DAPK1: variants seen among roughly 807,000 people sequenced by gnomAD.
DAPK1 encodes the protein death associated protein kinase 1.
In DAPK1, 56 loss-of-function variants were observed where a neutral mutation model predicts 144.9. That is an observed-to-expected ratio of 0.39 (90% confidence interval 0.31 to 0.48). The LOEUF (loss-of-function observed/expected upper bound fraction) is 0.48. DAPK1 is among the 20% of genes least tolerant of loss of function. The pLI, the probability that DAPK1 is intolerant of heterozygous loss-of-function variation, is 0.95. For synonymous variants in DAPK1, 690 were observed against 749.0 expected, an observed-to-expected ratio of 0.92 and a Z score of 1.29; for missense variants, 1,454 against 1,875.4, an observed-to-expected ratio of 0.78 and a Z score of 4.15.
chr9:87,538,717 A>T (rs1825940425), intron 2 of DAPK1, among the ~76,000 whole-genome samples: 1 of 152,206 alleles, frequency 6.6e-6, no homozygotes, highest in Non-Finnish European at 1.5e-5. Context: ...GAAAATTGTA[A>T]CAGATTAAAA....
At chr9:87,659,203 A>C (rs748969696) in intron 18 of DAPK1, among the ~76,000 whole-genome samples, 12 of 152,160 alleles carry the variant, frequency 7.9e-5, no homozygotes, top group Non-Finnish European at 1.3e-4. Flanking sequence ...CCCTCCCCAG[A>C]AGTAATAGGT....
chr9:87,549,949 T>C (rs1291697028), intron 2 of DAPK1, among the ~76,000 whole-genome samples: 2 of 152,248 alleles, frequency 1.3e-5, no homozygotes, highest in East Asian at 1.9e-4. Context: ...CAGGTGTCTG[T>C]ATACCTCATC....
At chr9:87,555,139 G>T (rs924743234) in intron 2 of DAPK1, among the ~76,000 whole-genome samples, 4 of 152,134 alleles carry the variant, frequency 2.6e-5, no homozygotes, top group Non-Finnish European at 4.4e-5. Context: ...AGGACTTGGG[G>T]GTTTACATAA....
chr9:87,662,568 T>TTTTTTG (rs1327332797), intron 18 of DAPK1, among the ~76,000 whole-genome samples: 2 of 132,684 alleles, frequency 1.5e-5, no homozygotes, highest in Non-Finnish European at 3.2e-5. Flanking sequence ...TAGTTTTTTT[T>TTTTTTG]TTTTTTTTTT....
intron 19 of DAPK1, among the ~76,000 whole-genome samples, chr9:87,675,516 G>A (rs562981870): frequency 1.3e-5 from 2 of 152,206 alleles, no homozygotes; most frequent in East Asian, 1.9e-4. Flanking sequence ...AACAATGCCC[G>A]ACATGACCCG....
Position 87,497,964 on chromosome 9 carries a change from G to A in DAPK1, c.-252G>A, listed in dbSNP as rs2117946391. 2.5e-6 allele frequency: 1 copy of A among 397,004 alleles called. No individual in the cohort carries two copies. The highest frequency in any genetic ancestry group is 4.4e-6 in the Non-Finnish European group (1 of 225,450). 24.6% of individuals were successfully genotyped at this position (397,004 alleles called of 1,614,324 possible). On this transcript the variant is annotated 5_prime_UTR_variant, in exon 1 of 26. Transcript: ENST00000408954. ...GGCAACTCGCAGCGGCAGGGTCTGG[G>A]GCCGGCGCCTGGGAGGGATCTGCGC...
At chr9:87,702,909 C>A in intron 24 of DAPK1, 120 bp from the exon 25 acceptor site, 1 of 630,988 alleles carries the variant, frequency 1.6e-6, no homozygotes, top group East Asian at 2.6e-5. Flanking sequence ...ACAAAAAAAC[C>A]CACTCGTTCA....
chr9:87,640,806 A>T lies in DAPK1; in HGVS notation c.787A>T (p.Arg263Ter). 6.2e-7 allele frequency: 1 copy of T among 1,614,058 alleles called. No individual in the cohort carries two copies. Among genetic ancestry groups the T allele is most frequent in the Non-Finnish European group, 8.5e-7 (1 of 1,179,994 alleles). The change falls in exon 9 of 26, where the codon AGA (arginine) becomes TGA (stop). Residue 263 changes from arginine to a stop codon, truncating the protein, a stop_gained. Transcript: ENST00000408954. LOFTEE classifies it high-confidence loss of function. ...RRLLVKDPKK[R>*]MTIQDSLQHP... ...TCTTCTCCCCCTCCCCTCAAGGAAGAGAATGACAATTCAAGATAGTTTGCA... is the reference window on the plus strand; with the variant it reads ...TCTTCTCCCCCTCCCCTCAAGGAAGTGAATGACAATTCAAGATAGTTTGCA...
rs977174401 is a variant in DAPK1, at chr9:87,708,351, A to G, written c.*987A>G. 6.5e-6 allele frequency: 1 copy of G among 152,726 alleles called. No individual in the cohort carries two copies. The highest frequency in any genetic ancestry group is 1.5e-5 in the Non-Finnish European group (1 of 68,096). 9.5% of individuals were successfully genotyped at this position (152,726 alleles called of 1,614,324 possible). On this transcript the variant is annotated 3_prime_UTR_variant, in exon 26 of 26. Transcript: ENST00000408954. ...GTTTCCACATTTAGATCCTGGTTTCATAACTTCCTGTACTTGAAGTCTAAA... is the reference window on the plus strand; with the variant it reads ...GTTTCCACATTTAGATCCTGGTTTCGTAACTTCCTGTACTTGAAGTCTAAA...
In DAPK1 at chr9:87,681,463, A is replaced by T; in HGVS notation, c.2061A>T (p.Arg687Ser). 1.2e-6 allele frequency: 2 copies of T among 1,613,678 alleles called. No individual in the cohort carries two copies. The highest frequency in any genetic ancestry group is 1.7e-6 in the Non-Finnish European group (2 of 1,179,686). ...GACCCACACAGAACCTGCAGCCAAG[A>T]ATTAAGCTCAAGCTGTTTGGCCACT... ...QLRPTQNLQPRIKLKLFGHSG... is the reference protein window; with the variant it reads ...QLRPTQNLQPSIKLKLFGHSG... Residue 687 changes from arginine to serine, a missense_variant, in exon 20 of 26, where the codon AGA becomes AGT. Arg to Ser is a moderately radical substitution (Grantham distance 110). This residue lies in a region of DAPK1 where 1,025 missense variants were observed against 1,237.9 expected (regional missense o/e 0.83). Coordinates refer to ENST00000408954, the MANE Select transcript of DAPK1 (RefSeq NM_004938.4).
At chr9:87,528,101 A>G (rs1424421234) in intron 2 of DAPK1, among the ~76,000 whole-genome samples, 1 of 152,260 alleles carries the variant, frequency 6.6e-6, no homozygotes, top group African/African-American at 2.4e-5. Flanking sequence ...AGAGAGCAGC[A>G]TACTTTAAAC....
chr9:87,535,155 C>T (rs1825818673), intron 2 of DAPK1, among the ~76,000 whole-genome samples: 1 of 152,042 alleles, frequency 6.6e-6, no homozygotes, highest in Non-Finnish European at 1.5e-5. Flanking sequence ...CCAGGCAAAT[C>T]CTGCCAAGCT....
chr9:87,646,722 G>C (rs1587806781), intron 13 of DAPK1, among the ~76,000 whole-genome samples, 163 bp downstream of exon 13: 2 of 152,178 alleles, frequency 1.3e-5, no homozygotes, highest in African/African-American at 4.8e-5. Flanking sequence ...CCTGACACAT[G>C]GGTTAAAGAG....
chr9:87,541,537 A>T (rs76892128), intron 2 of DAPK1, among the ~76,000 whole-genome samples: 3,364 of 144,948 alleles, frequency 0.023, 131 homozygotes, highest in African/African-American at 0.075. Flanking sequence ...CAACAGAGCA[A>T]GACTCTGTCT....
chr9:87,498,655 C>A, intron 1 of DAPK1: 1 of 364,552 alleles, frequency 2.7e-6, no homozygotes, highest in Non-Finnish European at 4.9e-6. Flanking sequence ...GCTGGGTGGG[C>A]ATGTGTGCAG....
In DAPK1 at chr9:87,518,581, G is replaced by A. The variant is rs537819336; in HGVS notation, c.62+19442G>A. On this transcript the variant is annotated intron_variant, in intron 2 of 25. Transcript: ENST00000408954. ...AGCCTCACAACTGTTTACTAGGTGG[G>A]TCTAGGATGGTAATTTCTGGAAATG... Among the ~76,000 whole-genome samples, 4 of 152,194 alleles carry A rather than the reference G, an allele frequency of 2.6e-5. No homozygotes were observed. The East Asian group carries it at 7.7e-4, about 29-fold the overall frequency.
intron 3 of DAPK1, among the ~76,000 whole-genome samples, chr9:87,617,912 A>T (rs891612512): frequency 3.3e-5 from 5 of 152,122 alleles, no homozygotes; most frequent in Non-Finnish European, 5.9e-5. Context: ...GGAAGCTTGG[A>T]GCTCTCCTTG....
chr9:87,640,993 C>T (rs1320067541), intron 9 of DAPK1, 146 bp downstream of exon 9: 1 of 810,724 alleles, frequency 1.2e-6, no homozygotes, highest in African/African-American at 1.7e-5. Context: ...TTAAGAAAAG[C>T]TGACAGGTTA....
chr9:87,626,176 G>T lies in DAPK1; in HGVS notation c.285-11767G>T, dbSNP rs143989863. 3.9e-5 allele frequency among the ~76,000 whole-genome samples: 6 copies of T among 152,344 alleles called. No individual in the cohort carries two copies. In the East Asian group the frequency reaches 1.2e-3, roughly 29 times the overall value. ...CGCACCTGTAATCCCAGCACTTTGG[G>T]AGGCCAAGGTGGGTGGATCACCTGA... On this transcript the variant is annotated intron_variant, in intron 3 of 25. Transcript: ENST00000408954.
Sources: gnomAD v4.1 joint callset for allele counts (sites outside exome capture counted in the v4.1 genomes callset) on GRCh38, gnomAD v4.1.1 for gene constraint, gnomAD v4.1.1 regional missense constraint, MANE v1.5 for transcripts, NCBI Gene and HGNC (gene_info 2026-07-23, HGNC 2026-07-21) for gene names.